The following UVRAG variants were observed in gnomAD, a reference collection of about 807,000 sequenced individuals.
The protein encoded by UVRAG is UV radiation resistance-associated gene protein.
UVRAG carries 19 observed loss-of-function variants against 78.0 expected under a neutral mutation model. The observed-to-expected ratio is 0.24, with a 90% CI of 0.17 to 0.36. The LOEUF (loss-of-function observed/expected upper bound fraction) is 0.36. UVRAG is among the 10% of genes least tolerant of loss of function. The pLI, the probability that UVRAG is intolerant of heterozygous loss-of-function variation, is 1.00. For synonymous variants in UVRAG, 323 were observed against 324.6 expected (o/e 1.00, Z 0.05); for missense variants, 740 against 853.8 (o/e 0.87, Z 1.66).
At chr11:76,006,616 G>T (rs781605087) in intron 9 of UVRAG, among the ~76,000 whole-genome samples, 1 of 126,592 alleles carries the variant, frequency 7.9e-6, no homozygotes, top group Non-Finnish European at 1.6e-5. Context: ...AGCCAAGATT[G>T]TGCCACTGTA....
intron 1 of UVRAG, among the ~76,000 whole-genome samples, chr11:75,850,750 T>C (rs188217008): frequency 6.6e-6 from 1 of 152,342 alleles, no homozygotes; most frequent in East Asian, 1.9e-4. Context: ...ATGGAAACCA[T>C]TGGCAGATTG....
intron 5 of UVRAG, among the ~76,000 whole-genome samples, chr11:75,893,670 CAAAA>C (rs1048785134): frequency 3.8e-4 from 23 of 60,392 alleles, no homozygotes; most frequent in East Asian, 2.7e-3. Flanking sequence ...CTATCTCTAC[CAAAA>C]AAAAAAAAAA....
intron 7 of UVRAG, 49 bp downstream of exon 7, chr11:75,961,598 G>A (rs1171333569): frequency 1.4e-6 from 2 of 1,428,356 alleles, no homozygotes; most frequent in African/African-American, 1.5e-5. Flanking sequence ...TTCTAAAGGA[G>A]AGTATCATAT....
Position 75,864,003 on chromosome 11 carries a change from G to A in UVRAG, c.270+2223G>A, listed in dbSNP as rs532613314. On this transcript the variant is annotated intron_variant, in intron 3 of 14. Coordinates refer to ENST00000356136, the MANE Select transcript of UVRAG (RefSeq NM_003369.4). ...GATGTTCCTTTTAAAGGTATTCTTTGAGATTTTGGCAAGGATTCTTTTTTT... is the reference window on the plus strand; with the variant it reads ...GATGTTCCTTTTAAAGGTATTCTTTAAGATTTTGGCAAGGATTCTTTTTTT... 8.6e-5 allele frequency among the ~76,000 whole-genome samples: 13 copies of A among 151,350 alleles called. No individual in the cohort carries two copies. In the South Asian group the frequency reaches 2.5e-3, roughly 29 times the overall value.
intron 12 of UVRAG, among the ~76,000 whole-genome samples, chr11:76,055,455 A>C (rs907401483): frequency 6.6e-6 from 1 of 152,208 alleles, no homozygotes; most frequent in Admixed American, 6.5e-5. Context: ...AGTTGAAAGA[A>C]TCTTGTAGTG....
chr11:75,916,635 C>T (rs1947862771), intron 6 of UVRAG: 1 of 152,164 alleles, frequency 6.6e-6, no homozygotes, highest in Admixed American at 6.5e-5. Context: ...GGTTTTGCAG[C>T]AAAGAAAGAG....
At chr11:75,880,560 CT>C (rs199866305) in intron 4 of UVRAG, among the ~76,000 whole-genome samples, 2 of 151,196 alleles carry the variant, frequency 1.3e-5, no homozygotes, top group East Asian at 1.9e-4. Flanking sequence ...TTACAGTTCT[CT>C]TTTTTTTTGA....
In UVRAG at chr11:75,983,445, G is replaced by T; in HGVS notation, c.758G>T (p.Arg253Leu). 6.2e-7 allele frequency: 1 copy of T among 1,610,844 alleles called. No homozygotes were observed. The highest frequency in any genetic ancestry group is 8.5e-7 in the Non-Finnish European group (1 of 1,178,012). ...KILVLQNELE[R>L]QKKALGREVA... ...TTGGTGCTTCAGAATGAACTGGAAC[G>T]GCAGAAGAAAGCTTTGGGACGGGAG... The change falls in exon 8 of 15, where the codon CGG becomes CTG. Residue 253 changes from arginine (R) to leucine (L), a missense_variant. Physicochemically the swap from Arg to Leu is moderately radical, Grantham distance 102. Transcript: ENST00000356136.
chr11:76,024,256 C>A (rs573880271), intron 12 of UVRAG, among the ~76,000 whole-genome samples: 5 of 152,240 alleles, frequency 3.3e-5, no homozygotes, highest in African/African-American at 1.2e-4. Context: ...GAAGTAGCAA[C>A]TTAATATGTG....
At chr11:75,842,512 G>C (rs1945938911) in intron 1 of UVRAG, among the ~76,000 whole-genome samples, 1 of 150,642 alleles carries the variant, frequency 6.6e-6, no homozygotes, top group Admixed American at 6.6e-5. Context: ...CGTGATCACG[G>C]CTCACTGCAA....
At chr11:76,080,085 T>C (rs1951470028) in intron 13 of UVRAG, among the ~76,000 whole-genome samples, 1 of 152,128 alleles carries the variant, frequency 6.6e-6, no homozygotes, top group South Asian at 2.1e-4. Context: ...AGCCCACTCT[T>C]GTAGTAATGG....
intron 3 of UVRAG, among the ~76,000 whole-genome samples, chr11:75,877,608 G>A (rs1324864571): frequency 1.4e-5 from 2 of 141,948 alleles, no homozygotes; most frequent in African/African-American, 2.6e-5. Flanking sequence ...CGGGCGGGGG[G>A]CTGACCCCCC....
At chr11:75,989,086 G>A (rs78795653) in intron 8 of UVRAG, among the ~76,000 whole-genome samples, 13,412 of 150,796 alleles carry the variant, frequency 0.089, 1,312 homozygotes, top group African/African-American at 0.25. Flanking sequence ...TTTGAGATGG[G>A]GTCTCACTCT....
At chr11:75,951,324 AATGTGTGTGT>A (rs1352910246) in intron 6 of UVRAG, among the ~76,000 whole-genome samples, 26 of 76,620 alleles carry the variant, frequency 3.4e-4, no homozygotes, top group Middle Eastern at 5.4e-3. Flanking sequence ...TATAATCTGA[AATGTGTGTGT>A]GTGTGTGTGT....
At chr11:76,120,776 T>C (rs1952258424) in intron 14 of UVRAG, among the ~76,000 whole-genome samples, 1 of 152,148 alleles carries the variant, frequency 6.6e-6, no homozygotes, top group African/African-American at 2.4e-5. Flanking sequence ...GTCACAAAGC[T>C]AAACAAAGCC....
chr11:76,129,116 G>A (rs1171864945), intron 14 of UVRAG, among the ~76,000 whole-genome samples: 1 of 152,184 alleles, frequency 6.6e-6, no homozygotes, highest in African/African-American at 2.4e-5. Flanking sequence ...TCTTAGAAAT[G>A]AGGAAACTGA....
Position 75,966,191 on chromosome 11 carries a change from C to A in UVRAG, c.699+4642C>A, listed in dbSNP as rs373012010. Reference sequence around the variant, plus strand: ...TTTTCAAATGTTTAACATTGCATTTCTGGAATAAACCTAAATTGATTATAA... The same window carrying A: ...TTTTCAAATGTTTAACATTGCATTTATGGAATAAACCTAAATTGATTATAA... On this transcript the variant is annotated intron_variant, in intron 7 of 14. Coordinates refer to ENST00000356136, the MANE Select transcript of UVRAG (RefSeq NM_003369.4). 6.8e-4 allele frequency among the ~76,000 whole-genome samples: 103 copies of A among 152,006 alleles called. 1 individual carries two copies. The highest frequency in any genetic ancestry group is 2.4e-3 in the African/African-American group (101 of 41,500).
chr11:75,958,365 AG>A (rs1190021435), intron 6 of UVRAG, among the ~76,000 whole-genome samples: 1 of 152,188 alleles, frequency 6.6e-6, no homozygotes, highest in Non-Finnish European at 1.5e-5. Flanking sequence ...TTATCAACTA[AG>A]TTTATGATGG....
chr11:75,977,995 C>T (rs1949288508), intron 7 of UVRAG, among the ~76,000 whole-genome samples: 2 of 152,182 alleles, frequency 1.3e-5, no homozygotes, highest in South Asian at 4.2e-4. Flanking sequence ...CATGTTTTTG[C>T]AGTGGCTGGT....
Sources: allele counts gnomAD v4.1 joint callset (sites outside exome capture counted in the v4.1 genomes callset), GRCh38; gene constraint gnomAD v4.1.1; transcripts MANE v1.5; gene names NCBI Gene and HGNC (gene_info 2026-07-23, HGNC 2026-07-21).